Variants in TRAP1 observed in about 807,000 individuals in gnomAD.
TRAP1 encodes the protein heat shock protein 75 kDa, mitochondrial.
Under a neutral mutation model 89.1 loss-of-function variants are expected in TRAP1, and 102 were observed. The observed-to-expected ratio is 1.15, with a 90% CI of 0.98 to 1.35. The LOEUF (loss-of-function observed/expected upper bound fraction) is 1.35, where lower values mean the gene tolerates loss of function less well. Among genes scored for constraint, TRAP1 ranks in the 40% most tolerant of loss-of-function variants. The pLI is 0.00. For synonymous variants in TRAP1, 508 were observed against 388.0 expected (o/e 1.31, Z -3.64); for missense variants, 1,256 against 945.3 (o/e 1.33, Z -4.31).
At chr16:3,684,261 G>C (rs77388305) in intron 4 of TRAP1, among the ~76,000 whole-genome samples, 3,455 of 152,206 alleles carry the variant, frequency 0.023, 132 homozygotes, top group African/African-American at 0.077. Context: ...TTTGCCACCG[G>C]AATGATACTG....
intron 1 of TRAP1, among the ~76,000 whole-genome samples, chr16:3,701,157 A>C (rs897478669): frequency 3.9e-5 from 6 of 152,244 alleles, no homozygotes; most frequent in African/African-American, 1.2e-4. Context: ...GGCTCTATTA[A>C]TATCAAGTAA....
chr16:3,674,857 G>T, intron 8 of TRAP1: 1 of 345,512 alleles, frequency 2.9e-6, no homozygotes. Context: ...CGAGGGGGAA[G>T]TCAGTCACTG....
chr16:3,715,588 G>C (rs930232632), intron 1 of TRAP1, among the ~76,000 whole-genome samples: 3 of 151,974 alleles, frequency 2.0e-5, no homozygotes, highest in Non-Finnish European at 4.4e-5. Context: ...ACGACAAAGA[G>C]AAAAAATCTT....
intron 1 of TRAP1, among the ~76,000 whole-genome samples, chr16:3,698,058 G>C (rs531920573): frequency 2.0e-5 from 3 of 152,036 alleles, no homozygotes; most frequent in African/African-American, 7.2e-5. Flanking sequence ...TGATCCGTCT[G>C]CCTCAGTCTC....
intron 6 of TRAP1, chr16:3,676,350 TCTC>T: frequency 4.4e-6 from 1 of 228,418 alleles, no homozygotes; most frequent in African/African-American, 2.6e-5. Context: ...GCGGCAGAGT[TCTC>T]CTGGTTCCCT....
intron 13 of TRAP1, 81 bp downstream of exon 13, chr16:3,664,193 T>G: frequency 7.1e-7 from 1 of 1,401,902 alleles, no homozygotes; most frequent in Non-Finnish European, 9.4e-7. Flanking sequence ...TTGGGCAGGT[T>G]CACCCAGCAC....
intron 17 of TRAP1, 49 bp from the exon 18 acceptor site, chr16:3,658,279 TCATTTTTTTTTTTTTGAGA>T (rs763530013): frequency 2.1e-6 from 3 of 1,448,048 alleles, no homozygotes; most frequent in Non-Finnish European, 2.8e-6. Flanking sequence ...GGGCACCTTT[TCATTTTTTTTTTTTTGAGA>T]CAGAGTCTCA....
intron 1 of TRAP1, among the ~76,000 whole-genome samples, chr16:3,708,453 A>G (rs2051481026): frequency 6.6e-6 from 1 of 152,126 alleles, no homozygotes; most frequent in Admixed American, 6.5e-5. Flanking sequence ...CCTGATCAAC[A>G]TGGTGAAATT....
chr16:3,715,095 C>G (rs531444362), intron 1 of TRAP1, among the ~76,000 whole-genome samples: 19 of 152,320 alleles, frequency 1.2e-4, no homozygotes, highest in African/African-American at 4.6e-4. Context: ...AATGCTTGAA[C>G]CACCGCACCA....
chr16:3,708,721 C>T (rs117607723), intron 1 of TRAP1, among the ~76,000 whole-genome samples: 1,996 of 151,554 alleles, frequency 0.013, 31 homozygotes, highest in South Asian at 0.05. Flanking sequence ...GAGGCTGAGG[C>T]GAGAGGACTG....
rs1216897282 is a variant in TRAP1, at chr16:3,717,466, G to A, written c.43C>T (p.Leu15=). The A allele has an allele frequency of 1.5e-6, 2 of 1,304,694 alleles. No individual in the cohort carries two copies. Among genetic ancestry groups the A allele is most frequent in the Non-Finnish European group, 1.9e-6 (2 of 1,033,296 alleles). The allele number at this position is 1,304,694 out of a possible 1,614,324, so 80.8% of individuals were successfully genotyped here. A position where few individuals can be genotyped will look rare whatever the true frequency, so the allele number is the denominator to read the frequency against. The change falls in exon 1 of 18, where the codon CTG becomes TTG. Residue 15 remains leucine (L), a synonymous_variant. Coordinates refer to ENST00000246957, the MANE Select transcript of TRAP1 (RefSeq NM_016292.3). The part of the protein sequence containing the change: ...LRALLLWGRR[L]RPLLRAPALA... ...GCCGGCGCCCGCAGCAAAGGCCGCAGGCGGCGGCCCCACAGCAGCAGCGCC... is the reference window on the plus strand; with the variant it reads ...GCCGGCGCCCGCAGCAAAGGCCGCAAGCGGCGGCCCCACAGCAGCAGCGCC...
Position 3,662,135 on chromosome 16 carries a change from G to A in TRAP1, c.1795-3C>T, listed in dbSNP as rs372686543. ...TGGGTGTCCAGTCGGAGGGTCACCT[G>A]TGAGCAAAGCCCGGGGTTGAGGGTG... On this transcript the variant is annotated splice_polypyrimidine_tract_variant and splice_region_variant and intron_variant, in intron 15 of 17. Transcript: ENST00000246957. 3 of 1,610,616 alleles carry A rather than the reference G, an allele frequency of 1.9e-6. No homozygotes were observed. Among genetic ancestry groups the A allele is most frequent in the Non-Finnish European group, 2.5e-6 (3 of 1,178,456 alleles).
At chr16:3,668,815 C>T (rs2050872088) in intron 11 of TRAP1, among the ~76,000 whole-genome samples, 1 of 152,180 alleles carries the variant, frequency 6.6e-6, no homozygotes, top group Non-Finnish European at 1.5e-5. Context: ...ACTCACGGCT[C>T]CCCTCACAGG....
chr16:3,662,650 C>T (rs1448871599), intron 15 of TRAP1: 5 of 681,424 alleles, frequency 7.3e-6, no homozygotes, highest in Non-Finnish European at 8.1e-6. Flanking sequence ...TTTCAGTTCT[C>T]AGTTCACACC....
At chr16:3,670,809 G>A (rs2050903328) in intron 11 of TRAP1, among the ~76,000 whole-genome samples, 1 of 152,162 alleles carries the variant, frequency 6.6e-6, no homozygotes, top group African/African-American at 2.4e-5. Context: ...GGCAGGCCAT[G>A]TGACCTCGCA....
intron 15 of TRAP1, 192 bp downstream of exon 15, chr16:3,662,690 C>A (rs566757082): frequency 1.7e-5 from 12 of 697,446 alleles, no homozygotes; most frequent in African/African-American, 3.5e-5. Flanking sequence ...GAGAAAGACA[C>A]GGCCTTCCTG....
At chr16:3,712,667 G>A (rs1000037666) in intron 1 of TRAP1, among the ~76,000 whole-genome samples, 13 of 152,138 alleles carry the variant, frequency 8.5e-5, no homozygotes, top group Non-Finnish European at 1.2e-4. Flanking sequence ...GAGTGCAGTG[G>A]CACAATCTTG....
chr16:3,714,912 ATTCT>A (rs2051577628), intron 1 of TRAP1, among the ~76,000 whole-genome samples: 1 of 152,186 alleles, frequency 6.6e-6, no homozygotes, highest in African/African-American at 2.4e-5. Flanking sequence ...TGCCTAAACT[ATTCT>A]TTCTCCCCTG....
intron 3 of TRAP1, among the ~76,000 whole-genome samples, chr16:3,687,772 C>CAGG (rs985140991): frequency 1.3e-4 from 20 of 148,940 alleles, no homozygotes; most frequent in African/African-American, 4.7e-4. Context: ...GGCTTGAGCT[C>CAGG]AGGAGGCGGA....
Sources: allele counts gnomAD v4.1 joint callset (sites outside exome capture counted in the v4.1 genomes callset), GRCh38; gene constraint gnomAD v4.1.1; transcripts MANE v1.5; gene names NCBI Gene and HGNC (gene_info 2026-07-23, HGNC 2026-07-21).